The following NCOR2 variants were observed in gnomAD, a reference collection of about 807,000 sequenced individuals.
NCOR2 encodes nuclear receptor corepressor 2.
In NCOR2, 81 loss-of-function variants were observed where a neutral mutation model predicts 262.9. The ratio of observed to expected loss-of-function variants is 0.31; its 90% confidence interval spans 0.26 to 0.37. The LOEUF (loss-of-function observed/expected upper bound fraction) is 0.37, where lower values mean the gene tolerates loss of function less well. Ranked by LOEUF, NCOR2 falls within the 10% of genes least tolerant of loss-of-function variation. NCOR2 has a pLI of 1.00. For synonymous variants in NCOR2, 1,659 were observed against 1,559.3 expected (o/e 1.06, Z -1.51); for missense variants, 3,385 against 3,621.4 (o/e 0.93, Z 1.68).
rs1555297246 is a variant in NCOR2, at chr12:124,325,382, C to CCG, written c.*19_*20insCG. The stretch of plus-strand genomic sequence containing the variant: ...GCTCGCTGGGACCTGACACCGCCCC[C>CCG]CCCCCCGCCCTGTTCTGAGTCACTC... On this transcript the variant is annotated 3_prime_UTR_variant, in exon 47 of 47. Coordinates refer to ENST00000405201, the Ensembl canonical transcript of NCOR2. 25 of 412,902 alleles carry CCG rather than the reference C, an allele frequency of 6.1e-5. 2 individuals carry two copies. Among genetic ancestry groups the CCG allele is most frequent in the South Asian group, 4.0e-4 (5 of 12,422 alleles). The allele number at this position is 412,902 out of a possible 1,614,324, so 25.6% of individuals were successfully genotyped here.
At chr12:124,365,182 G>GT (rs2038932081) in intron 20 of NCOR2, among the ~76,000 whole-genome samples, 1 of 152,212 alleles carries the variant, frequency 6.6e-6, no homozygotes, top group South Asian at 2.1e-4. Context: ...CATGGCAGGC[G>GT]TGAGGGCAGC....
In NCOR2 at chr12:124,392,595, C is replaced by T. The variant is rs566948120; in HGVS notation, c.1876+5524G>A. 6.6e-5 allele frequency among the ~76,000 whole-genome samples: 10 copies of T among 152,334 alleles called. No individual in the cohort carries two copies. The South Asian group carries it at 2.1e-3, about 32-fold the overall frequency. ...AACCCAGGAGCAGCAGCACTGCCTA[C>T]CGGCCCGCCCACCCCACTGTAAGCT... On this transcript the variant is annotated intron_variant, in intron 16 of 46. Coordinates refer to ENST00000405201, the Ensembl canonical transcript of NCOR2.
intron 17 of NCOR2, among the ~76,000 whole-genome samples, chr12:124,381,288 T>C (rs532874323): frequency 6.6e-6 from 1 of 152,270 alleles, no homozygotes; most frequent in Non-Finnish European, 1.5e-5. Flanking sequence ...CCCCTAGATA[T>C]CTGCATAACT....
intron 10 of NCOR2, 119 bp downstream of exon 12, chr12:124,429,494 C>T (rs958488788): frequency 1.3e-5 from 14 of 1,061,740 alleles, no homozygotes; most frequent in Middle Eastern, 2.0e-4. Context: ...ACCCGCGCTT[C>T]GGTGGCAAAG....
intron 6 of NCOR2, among the ~76,000 whole-genome samples, chr12:124,451,522 A>T (rs1428171384): frequency 6.6e-6 from 1 of 152,072 alleles, no homozygotes; most frequent in Non-Finnish European, 1.5e-5. Context: ...TGGAGGAAGG[A>T]GTCTGCTCCC....
At chr12:124,475,733 T>C (rs926094104) in intron 3 of NCOR2, among the ~76,000 whole-genome samples, 10 of 152,190 alleles carry the variant, frequency 6.6e-5, no homozygotes, top group Non-Finnish European at 1.5e-4. Flanking sequence ...CCGTGGGAAG[T>C]GGGATTTCTG....
intron 1 of NCOR2, among the ~76,000 whole-genome samples, chr12:124,524,948 C>A (rs868182724): frequency 6.6e-6 from 1 of 152,236 alleles, no homozygotes; most frequent in Non-Finnish European, 1.5e-5. Flanking sequence ...GTACATGAGT[C>A]CGGAACATGC....
chr12:124,342,896 C>G (rs2036578246), intron 33 of NCOR2, 109 bp downstream of exon 35: 2 of 1,240,810 alleles, frequency 1.6e-6, no homozygotes, highest in Non-Finnish European at 2.2e-6. Flanking sequence ...GTTTCGCCAT[C>G]CAGGGGAACC....
At chr12:124,400,114 A>T (rs1051980113) in intron 15 of NCOR2, among the ~76,000 whole-genome samples, 20 of 152,194 alleles carry the variant, frequency 1.3e-4, no homozygotes, top group Middle Eastern at 6.8e-3. Context: ...CAACCAAAAA[A>T]TCCGGAACTG....
intron 15 of NCOR2, 87 bp downstream of exon 17, chr12:124,400,414 A>C: frequency 1.3e-6 from 2 of 1,535,438 alleles, no homozygotes; most frequent in Non-Finnish European, 1.8e-6. Context: ...GTTGCCAATT[A>C]ACTCAAATTG....
chr12:124,565,788 AG>A (rs2052219102), intron 1 of NCOR2, among the ~76,000 whole-genome samples: 1 of 152,228 alleles, frequency 6.6e-6, no homozygotes, highest in South Asian at 2.1e-4. Flanking sequence ...GGCACAGAGA[AG>A]TTAAGCATCT....
At chr12:124,339,872 T>C (rs1333442414) in intron 37 of NCOR2, 134 bp downstream of exon 39, 2 of 1,094,838 alleles carry the variant, frequency 1.8e-6, no homozygotes, top group African/African-American at 1.8e-5. Flanking sequence ...ACATAGTCTA[T>C]TCTTCTACCC....
intron 22 of NCOR2, among the ~76,000 whole-genome samples, chr12:124,361,227 C>T (rs2038568761): frequency 6.6e-6 from 1 of 152,042 alleles, no homozygotes; most frequent in Admixed American, 6.5e-5. Flanking sequence ...CTGGGCTGTG[C>T]TGGTCAGGAG....
rs369241471 is a variant in NCOR2, at chr12:124,485,547, G to A, written c.233+894C>T. Among the ~76,000 whole-genome samples the A allele has an allele frequency of 4.5e-3, 679 of 152,342 alleles. 7 individuals carry two copies. The highest frequency in any genetic ancestry group is 0.015 in the African/African-American group (644 of 41,576). The stretch of plus-strand genomic sequence containing the variant: ...GAATGCACTTCTGTGGCTTGAAGCC[G>A]CCCAGTTTGTGGCACGTTGCGACGG... On this transcript the variant is annotated intron_variant, in intron 2 of 46. Transcript: ENST00000405201.
At chr12:124,426,303 G>A (rs2043542568) in intron 11 of NCOR2, among the ~76,000 whole-genome samples, 1 of 152,214 alleles carries the variant, frequency 6.6e-6, no homozygotes, top group Non-Finnish European at 1.5e-5. Context: ...AAGAGGAGAA[G>A]CACAGAGACA....
At chr12:124,465,065 C>T (rs1276507147) in intron 5 of NCOR2, among the ~76,000 whole-genome samples, 3 of 152,200 alleles carry the variant, frequency 2.0e-5, no homozygotes, top group Non-Finnish European at 2.9e-5. Context: ...CCACTGCAGG[C>T]ACCCACCACG....
At chr12:124,448,686 G>C (rs544710576) in intron 7 of NCOR2, among the ~76,000 whole-genome samples, 1 of 151,850 alleles carries the variant, frequency 6.6e-6, no homozygotes, top group African/African-American at 2.4e-5. Flanking sequence ...GACCAGTCGC[G>C]CAACTCTGGA....
chr12:124,406,603 TG>T (rs933510913), intron 13 of NCOR2, among the ~76,000 whole-genome samples: 42 of 152,312 alleles, frequency 2.8e-4, no homozygotes, highest in Admixed American at 2.6e-3. Context: ...GCCCTCGTGG[TG>T]GAGGGCTACC....
intron 42 of NCOR2, among the ~76,000 whole-genome samples, chr12:124,332,914 G>A (rs2035333589): frequency 6.6e-6 from 1 of 152,132 alleles, no homozygotes; most frequent in African/African-American, 2.4e-5. Flanking sequence ...TGAGATCCCA[G>A]CCCAAAGCAT....
Sources: allele counts gnomAD v4.1 joint callset (sites outside exome capture counted in the v4.1 genomes callset), GRCh38; gene constraint gnomAD v4.1.1; transcripts MANE v1.5; gene names NCBI Gene and HGNC (gene_info 2026-07-23, HGNC 2026-07-21).